The following RUNX1 variants were observed in gnomAD, a reference collection of about 807,000 sequenced individuals.
The protein encoded by RUNX1 is runt-related transcription factor 1.
In RUNX1, 19 loss-of-function variants were observed where a neutral mutation model predicts 42.8. The observed-to-expected ratio is 0.44, with a 90% CI of 0.31 to 0.65. The LOEUF (loss-of-function observed/expected upper bound fraction) is 0.65, where lower values mean the gene tolerates loss of function less well. Ranked by LOEUF, RUNX1 falls within the 30% of genes least tolerant of loss-of-function variation. RUNX1 has a pLI of 0.07. For missense variants in RUNX1, 528 were observed against 672.0 expected (o/e 0.79, Z 2.37); for synonymous variants, 271 against 289.4 (o/e 0.94, Z 0.64).
At chr21:35,024,787 G>C (rs2059223642) in intron 2 of RUNX1, among the ~76,000 whole-genome samples, 1 of 152,292 alleles carries the variant, frequency 6.6e-6, no homozygotes, top group South Asian at 2.1e-4. Context: ...TTCTTTTCTA[G>C]TGATGATGAA....
At chr21:34,911,249 A>C (rs1215653908) in intron 2 of RUNX1, among the ~76,000 whole-genome samples, 2 of 152,142 alleles carry the variant, frequency 1.3e-5, no homozygotes, top group East Asian at 3.8e-4. Context: ...ATATTTGCTG[A>C]ATAAAGGTTG....
chr21:35,047,946 T>C (rs1184661740), intron 2 of RUNX1, among the ~76,000 whole-genome samples: 1 of 152,136 alleles, frequency 6.6e-6, no homozygotes, highest in Non-Finnish European at 1.5e-5. Flanking sequence ...CCACGAAAGA[T>C]ACACAAGACG....
At chr21:34,962,293 AG>A (rs1402566155) in intron 2 of RUNX1, among the ~76,000 whole-genome samples, 2 of 152,234 alleles carry the variant, frequency 1.3e-5, no homozygotes, top group African/African-American at 4.8e-5. Context: ...TTAAACATTT[AG>A]GAAGAAGAGG....
intron 2 of RUNX1, among the ~76,000 whole-genome samples, chr21:34,965,697 C>T (rs1383557487): frequency 1.3e-5 from 2 of 152,056 alleles, no homozygotes; most frequent in African/African-American, 4.8e-5. Flanking sequence ...TTATGGGACT[C>T]TCGAGATGAA....
At chr21:34,875,652 T>C (rs2057803569) in intron 5 of RUNX1, among the ~76,000 whole-genome samples, 1 of 152,222 alleles carries the variant, frequency 6.6e-6, no homozygotes, top group African/African-American at 2.4e-5. Flanking sequence ...TCTTCTATTA[T>C]ATGAATCTGT....
At chr21:34,887,267 G>GA in intron 3 of RUNX1, 171 bp from the exon 4 acceptor site, 1 of 1,273,336 alleles carries the variant, frequency 7.9e-7, no homozygotes. Flanking sequence ...GTGGTTAGGG[G>GA]AGGAGGGAGA....
intron 2 of RUNX1, among the ~76,000 whole-genome samples, chr21:35,041,423 C>A (rs2059358322): frequency 6.6e-6 from 1 of 152,100 alleles, no homozygotes. Context: ...CATTTGAGGC[C>A]CCAAAAATGT....
chr21:34,906,096 C>T (rs776908292), intron 2 of RUNX1, among the ~76,000 whole-genome samples: 23 of 152,108 alleles, frequency 1.5e-4, no homozygotes, highest in Non-Finnish European at 2.5e-4. Context: ...TTTGGATTTT[C>T]GAAAGTAAAT....
At chr21:34,898,029 TAGA>T (rs1206164622) in intron 2 of RUNX1, among the ~76,000 whole-genome samples, 2 of 152,150 alleles carry the variant, frequency 1.3e-5, no homozygotes, top group Non-Finnish European at 2.9e-5. Context: ...GCATTGTAGC[TAGA>T]AGACAGAGCA....
chr21:34,988,994 A>ATCTCTCTC (rs905748186), intron 2 of RUNX1, among the ~76,000 whole-genome samples: 11 of 134,824 alleles, frequency 8.2e-5, no homozygotes, highest in African/African-American at 3.6e-4. Context: ...GCTGGCCCAG[A>ATCTCTCTC]TCTCTCTCTC....
intron 5 of RUNX1, among the ~76,000 whole-genome samples, chr21:34,869,727 G>A (rs930560998): frequency 2.0e-5 from 3 of 152,290 alleles, no homozygotes; most frequent in Admixed American, 6.5e-5. Context: ...GTAGTCCAAG[G>A]CGAGCTGCCG....
At chr21:34,947,547 C>A (rs566962877) in intron 2 of RUNX1, among the ~76,000 whole-genome samples, 1 of 152,260 alleles carries the variant, frequency 6.6e-6, no homozygotes, top group African/African-American at 2.4e-5. Flanking sequence ...TATAAGGAAG[C>A]CCCTGTCTTT....
intron 2 of RUNX1, among the ~76,000 whole-genome samples, chr21:34,923,244 T>C (rs879310733): frequency 6.6e-6 from 1 of 152,258 alleles, no homozygotes; most frequent in Non-Finnish European, 1.5e-5. Context: ...CAGGGGCTGC[T>C]GATTCCCTTT....
chr21:34,902,441 C>T (rs925888618), intron 2 of RUNX1, among the ~76,000 whole-genome samples: 1 of 152,042 alleles, frequency 6.6e-6, no homozygotes, highest in African/African-American at 2.4e-5. Flanking sequence ...TCTACATGGA[C>T]AACTAATTCT....
intron 4 of RUNX1, among the ~76,000 whole-genome samples, chr21:34,883,310 T>C (rs755350172): frequency 3.9e-5 from 6 of 152,156 alleles, no homozygotes; most frequent in Non-Finnish European, 8.8e-5. Flanking sequence ...CTTGGCCTTG[T>C]ATTGATCTCT....
chr21:35,001,544 C>A (rs1395657641), intron 2 of RUNX1, among the ~76,000 whole-genome samples: 4 of 152,002 alleles, frequency 2.6e-5, no homozygotes, highest in African/African-American at 9.7e-5. Flanking sequence ...TAACATAATA[C>A]CGAATGATAA....
intron 6 of RUNX1, among the ~76,000 whole-genome samples, chr21:34,847,917 CT>C (rs564440893): frequency 5.4e-5 from 8 of 148,900 alleles, no homozygotes; most frequent in East Asian, 2.0e-4. Flanking sequence ...ATCTGCCAAG[CT>C]TTTTTTTTTC....
At position 34,789,488 on chromosome 21, in the gene RUNX1, A is replaced by G. The variant is rs2056409392; in HGVS notation, c.*2647T>C. On this transcript the variant is annotated 3_prime_UTR_variant, in exon 9 of 9. Transcript: ENST00000675419. ...TGGACCAGACACATGCAGTTATTAC[A>G]TGATTGGCTTAAGGGTCTCATTGAT... 4.3e-6 allele frequency: 1 copy of G among 233,628 alleles called. No individual in the cohort carries two copies. 14.5% of individuals were successfully genotyped at this position (233,628 alleles called of 1,614,324 possible).
intron 2 of RUNX1, among the ~76,000 whole-genome samples, chr21:34,987,061 G>A (rs901127074): frequency 6.6e-5 from 10 of 152,184 alleles, no homozygotes; most frequent in African/African-American, 2.2e-4. Flanking sequence ...TTCTTGCACC[G>A]CCCTTGCCAT....
Sources: gnomAD v4.1 joint callset for allele counts (sites outside exome capture counted in the v4.1 genomes callset) on GRCh38, gnomAD v4.1.1 for gene constraint, MANE v1.5 for transcripts, NCBI Gene and HGNC (gene_info 2026-07-23, HGNC 2026-07-21) for gene names.